SEMA3A: variants seen among roughly 807,000 people sequenced by gnomAD.
SEMA3A encodes the protein semaphorin 3A, also known as semaphorin-3A.
In SEMA3A, 29 loss-of-function variants were observed where a neutral mutation model predicts 97.9. That is an observed-to-expected ratio of 0.30 (90% confidence interval 0.22 to 0.40). The LOEUF (loss-of-function observed/expected upper bound fraction) is 0.40, where lower values mean the gene tolerates loss of function less well. Among genes scored for constraint, SEMA3A ranks in the 10% least tolerant of loss-of-function variants. The pLI is 1.00. For missense variants in SEMA3A, 763 were observed against 951.3 expected (o/e 0.80, Z 2.60); for synonymous variants, 321 against 323.7 (o/e 0.99, Z 0.09).
chr7:84,261,904 A>G (rs1463278968), intron 3 of SEMA3A, among the ~76,000 whole-genome samples: 1 of 152,206 alleles, frequency 6.6e-6, no homozygotes, highest in Non-Finnish European at 1.5e-5. Context: ...GACACTACTA[A>G]TATTTATAAC....
intron 12 of SEMA3A, among the ~76,000 whole-genome samples, chr7:83,987,360 C>G (rs1789679944): frequency 6.6e-6 from 1 of 152,044 alleles, no homozygotes; most frequent in Non-Finnish European, 1.5e-5. Flanking sequence ...AGGTTTGTAC[C>G]AAGAAAAGTA....
intron 7 of SEMA3A, 44 bp downstream of exon 7, chr7:84,014,164 TA>T (rs1383646002): frequency 4.5e-6 from 7 of 1,564,872 alleles, no homozygotes; most frequent in African/African-American, 1.4e-5. Context: ...GCAAAGCTGT[TA>T]TGGGAAAATG....
intron 12 of SEMA3A, among the ~76,000 whole-genome samples, chr7:84,001,408 A>C (rs983658913): frequency 5.3e-5 from 8 of 151,122 alleles, no homozygotes; most frequent in African/African-American, 1.9e-4. Context: ...ATATATGTAC[A>C]TTTCTTAAGC....
intron 14 of SEMA3A, among the ~76,000 whole-genome samples, chr7:83,978,057 C>T (rs1057004882): frequency 6.6e-6 from 1 of 152,078 alleles, no homozygotes; most frequent in Admixed American, 6.6e-5. Context: ...CCCTCCTCGG[C>T]CTCCCAAAGT....
chr7:84,159,963 G>A (rs1366093994), intron 1 of SEMA3A, among the ~76,000 whole-genome samples: 2 of 152,096 alleles, frequency 1.3e-5, no homozygotes, highest in Admixed American at 6.5e-5. Context: ...TTACACGATG[G>A]AAGGCATCAG....
intron 4 of SEMA3A, among the ~76,000 whole-genome samples, chr7:84,079,537 G>A (rs1794076293): frequency 6.6e-6 from 1 of 151,996 alleles, no homozygotes; most frequent in Non-Finnish European, 1.5e-5. Flanking sequence ...CAAAAAGTGG[G>A]CCAAGGATAT....
At chr7:84,178,080 C>G (rs1426645400) in intron 1 of SEMA3A, among the ~76,000 whole-genome samples, 3 of 152,056 alleles carry the variant, frequency 2.0e-5, no homozygotes, top group Non-Finnish European at 2.9e-5. Context: ...ATGGTTAATA[C>G]AATGCAGGGA....
At chr7:84,364,079 A>C (rs1433237994) in intron 2 of SEMA3A, among the ~76,000 whole-genome samples, 1 of 145,990 alleles carries the variant, frequency 6.8e-6, no homozygotes, top group Non-Finnish European at 1.5e-5. Context: ...CTTCATTAAC[A>C]TATGTATTGG....
At position 84,489,942 on chromosome 7, in the gene SEMA3A, T is replaced by C. The variant is rs78072587; in HGVS notation, c.-246+2518A>G. Reference sequence around the variant, plus strand: ...CTCTAAGCATATAGCAATTTTCATATGTAATAAATACAGTATATATACTTA... The same window carrying C: ...CTCTAAGCATATAGCAATTTTCATACGTAATAAATACAGTATATATACTTA... On this transcript the variant is annotated intron_variant, in intron 1 of 3. Coordinates refer to the SEMA3A transcript ENST00000424555. Among the ~76,000 whole-genome samples the C allele has an allele frequency of 0.013, 2,041 of 152,174 alleles. 97 individuals carry two copies. In the East Asian group the frequency reaches 0.16, roughly 12 times the overall value.
At chr7:83,971,299 G>A (rs1044556977) in intron 15 of SEMA3A, among the ~76,000 whole-genome samples, 1 of 152,036 alleles carries the variant, frequency 6.6e-6, no homozygotes, top group Admixed American at 6.6e-5. Context: ...GGGCATGGTA[G>A]TGCATGCCTG....
intron 1 of SEMA3A, among the ~76,000 whole-genome samples, chr7:84,140,759 C>A (rs1043155187): frequency 7.2e-5 from 11 of 151,932 alleles, no homozygotes; most frequent in African/African-American, 1.9e-4. Flanking sequence ...ATTTCATGAA[C>A]CAAAAAAGTT....
chr7:84,272,158 A>G (rs1314425760), intron 3 of SEMA3A, among the ~76,000 whole-genome samples: 2 of 152,128 alleles, frequency 1.3e-5, no homozygotes, highest in African/African-American at 4.8e-5. Context: ...ATCATAGATT[A>G]TATCAATAGG....
intron 1 of SEMA3A, among the ~76,000 whole-genome samples, chr7:84,488,647 T>G (rs950811892): frequency 6.6e-6 from 1 of 152,102 alleles, no homozygotes; most frequent in Non-Finnish European, 1.5e-5. Flanking sequence ...TGTGGACATG[T>G]GAAATGAGTG....
chr7:84,314,577 T>C (rs934886585), intron 2 of SEMA3A, among the ~76,000 whole-genome samples: 1 of 152,164 alleles, frequency 6.6e-6, no homozygotes, highest in African/African-American at 2.4e-5. Flanking sequence ...GATAGACATA[T>C]AATGTGTGCA....
chr7:84,389,400 G>A (rs1336773223), intron 1 of SEMA3A, among the ~76,000 whole-genome samples: 2 of 152,056 alleles, frequency 1.3e-5, no homozygotes, highest in African/African-American at 4.8e-5. Flanking sequence ...CACCCTGAGA[G>A]TGCATTTGGC....
intron 4 of SEMA3A, among the ~76,000 whole-genome samples, chr7:84,066,406 C>G (rs143574029): frequency 0.91 from 128,892 of 142,010 alleles, 58,641 homozygotes; most frequent in East Asian, 0.94. Context: ...ACATAGTGTT[C>G]GAAGTTCTGG....
chr7:84,359,019 C>T (rs1802643985), intron 2 of SEMA3A, among the ~76,000 whole-genome samples: 1 of 152,134 alleles, frequency 6.6e-6, no homozygotes, highest in Non-Finnish European at 1.5e-5. Flanking sequence ...CTGCTGAAAG[C>T]AGCTTAAGGA....
At chr7:84,150,209 T>A (rs982223781) in intron 1 of SEMA3A, among the ~76,000 whole-genome samples, 1 of 152,210 alleles carries the variant, frequency 6.6e-6, no homozygotes, top group Non-Finnish European at 1.5e-5. Context: ...CCTATGTACA[T>A]CTGCCTCATG....
upstream of SEMA3A, among the ~76,000 whole-genome samples, chr7:84,196,645 C>T (rs971792673): frequency 5.9e-5 from 9 of 152,158 alleles, no homozygotes; most frequent in African/African-American, 1.4e-4. Flanking sequence ...GGCACTTTCA[C>T]GCTCTAGGCA....
Sources: allele counts gnomAD v4.1 joint callset (sites outside exome capture counted in the v4.1 genomes callset), GRCh38; gene constraint gnomAD v4.1.1; transcripts MANE v1.5; gene names NCBI Gene and HGNC (gene_info 2026-07-23, HGNC 2026-07-21).